The following HDAC9 variants were observed in gnomAD, a reference collection of about 807,000 sequenced individuals.
HDAC9 encodes the protein MEF-2 interacting transcription repressor (MITR) protein.
In HDAC9, 41 loss-of-function variants were observed where a neutral mutation model predicts 139.4. That is an observed-to-expected ratio of 0.29 (90% CI 0.23 to 0.38). The LOEUF is 0.38. HDAC9 is among the 10% of genes least tolerant of loss of function. The probability of loss-of-function intolerance (pLI) is 1.00; values close to 1 mark genes in which losing one functional copy is unlikely to be tolerated. For missense variants in HDAC9, 1,147 were observed against 1,297.0 expected (o/e 0.88, Z 1.78); for synonymous variants, 517 against 476.2 (o/e 1.09, Z -1.12).
intron 22 of HDAC9, among the ~76,000 whole-genome samples, chr7:18,886,971 C>G (rs899489100): frequency 3.3e-5 from 5 of 152,162 alleles, no homozygotes; most frequent in African/African-American, 1.2e-4. Flanking sequence ...GGAAAAGAAT[C>G]AGTTGGTCAA....
intron 19 of HDAC9, 104 bp downstream of exon 19, chr7:18,829,652 C>A: frequency 1.4e-6 from 1 of 692,120 alleles, no homozygotes; most frequent in Non-Finnish European, 2.5e-6. Context: ...TTGCAAACAA[C>A]TGAAGGGTGT....
At chr7:18,425,929 A>AT (rs1166182975) in intron 1 of HDAC9, among the ~76,000 whole-genome samples, 4 of 152,112 alleles carry the variant, frequency 2.6e-5, no homozygotes, top group East Asian at 1.9e-4. Flanking sequence ...GCCAGAAGAT[A>AT]TTTTTTAACT....
chr7:18,257,429 AC>A (rs1397761421), intron 2 of HDAC9, among the ~76,000 whole-genome samples: 2 of 150,486 alleles, frequency 1.3e-5, no homozygotes, highest in African/African-American at 4.9e-5. Flanking sequence ...ACACACACAC[AC>A]ACACACAAAA....
At chr7:18,808,516 T>C (rs1336543676) in intron 17 of HDAC9, among the ~76,000 whole-genome samples, 1 of 151,874 alleles carries the variant, frequency 6.6e-6, no homozygotes, top group East Asian at 1.9e-4. Flanking sequence ...TGTTTCAACA[T>C]ACTAACAATG....
chr7:18,634,633 C>A lies in HDAC9; in HGVS notation c.803C>A (p.Ser268Ter). Residue 268 changes from serine to a stop codon, truncating the protein, a stop_gained, in exon 8 of 26, where the codon TCA (serine) becomes TAA (stop). Coordinates refer to ENST00000686413, the MANE Select transcript of HDAC9 (RefSeq NM_178425.4). LOFTEE classifies it high-confidence loss of function. ...ACTTCACAATATTTTTCAGAATCCT[C>A]AGTCAGTAGCAGTTCTCCAGGCTCT... Reference protein sequence around the residue: ...KKRMFEVTESSVSSSSPGSGP... With the variant: ...KKRMFEVTES The A allele has an allele frequency of 6.4e-7, 1 of 1,570,716 alleles. No individual in the cohort carries two copies.
chr7:18,222,642 C>A (rs1224262740), intron 2 of HDAC9, among the ~76,000 whole-genome samples: 1 of 152,086 alleles, frequency 6.6e-6, no homozygotes, highest in East Asian at 1.9e-4. Context: ...TTGTTATTTG[C>A]AAATGTAAAC....
intron 1 of HDAC9, among the ~76,000 whole-genome samples, chr7:18,142,841 C>A (rs890825800): frequency 6.6e-6 from 1 of 152,200 alleles, no homozygotes; most frequent in African/African-American, 2.4e-5. Context: ...GCCTCCTCCT[C>A]TCCCTGCTCC....
At chr7:18,293,889 A>G (rs930912699) in intron 1 of HDAC9, among the ~76,000 whole-genome samples, 4 of 152,184 alleles carry the variant, frequency 2.6e-5, no homozygotes, top group African/African-American at 9.6e-5. Flanking sequence ...GTAAACATTT[A>G]ATAAGTTTTA....
intron 22 of HDAC9, among the ~76,000 whole-genome samples, chr7:18,929,033 A>G (rs918899743): frequency 6.6e-6 from 1 of 152,042 alleles, no homozygotes; most frequent in Non-Finnish European, 1.5e-5. Flanking sequence ...CACTACCACT[A>G]TTCTCTGGGA....
chr7:18,968,908 G>A (rs1192652704), intron 24 of HDAC9, among the ~76,000 whole-genome samples: 3 of 128,034 alleles, frequency 2.3e-5, no homozygotes, highest in Non-Finnish European at 4.6e-5. Context: ...GCAGTGAGCC[G>A]AGATCTCGCC....
intron 1 of HDAC9, among the ~76,000 whole-genome samples, chr7:18,395,883 T>G (rs1250301971): frequency 6.6e-6 from 1 of 152,114 alleles, no homozygotes; most frequent in Non-Finnish European, 1.5e-5. Flanking sequence ...GTGAGAAAAA[T>G]TTAGGAGGTA....
At position 18,415,375 on chromosome 7, in the gene HDAC9, C is replaced by G. The variant is rs1788958831; in HGVS notation, c.-41-80887C>G. On this transcript the variant is annotated intron_variant, in intron 1 of 3. Coordinates refer to the HDAC9 transcript ENST00000413509. ...AATTGGTAGCTACTGTTAGGAGCCTCTCAGCTGTACCTCTTCCTTCTTTAG... is the reference window on the plus strand; with the variant it reads ...AATTGGTAGCTACTGTTAGGAGCCTGTCAGCTGTACCTCTTCCTTCTTTAG... Among the ~76,000 whole-genome samples the G allele has an allele frequency of 2.0e-5, 3 of 152,326 alleles. No homozygotes were observed. In the South Asian group the frequency reaches 6.2e-4, roughly 32 times the overall value.
At chr7:18,908,541 C>G (rs551011543) in intron 22 of HDAC9, among the ~76,000 whole-genome samples, 10 of 152,028 alleles carry the variant, frequency 6.6e-5, no homozygotes, top group Non-Finnish European at 1.5e-4. Context: ...TCCTATTTCT[C>G]CCTCTCTCCA....
intron 22 of HDAC9, among the ~76,000 whole-genome samples, chr7:18,911,943 T>C (rs1228913189): frequency 6.6e-6 from 1 of 152,056 alleles, no homozygotes; most frequent in Non-Finnish European, 1.5e-5. Flanking sequence ...GAATGTTCCA[T>C]GTACTAATGA....
chr7:18,320,488 A>G, intron 1 of HDAC9, among the ~76,000 whole-genome samples: 1 of 152,128 alleles, frequency 6.6e-6, no homozygotes, highest in Non-Finnish European at 1.5e-5. Flanking sequence ...TCTTCAGAGT[A>G]TCCCTTATTG....
intron 23 of HDAC9, among the ~76,000 whole-genome samples, chr7:18,945,402 G>T (rs1323866752): frequency 1.3e-5 from 2 of 152,056 alleles, no homozygotes; most frequent in African/African-American, 2.4e-5. Flanking sequence ...TTCTTTATAG[G>T]TTCTAGTGTT....
chr7:18,681,414 T>C (rs1319878861), intron 12 of HDAC9, among the ~76,000 whole-genome samples: 1 of 152,014 alleles, frequency 6.6e-6, no homozygotes, highest in Non-Finnish European at 1.5e-5. Context: ...GTTCAGTTTT[T>C]AAAAATTATC....
At chr7:18,596,009 T>A (rs892242808) in intron 6 of HDAC9, among the ~76,000 whole-genome samples, 11 of 152,094 alleles carry the variant, frequency 7.2e-5, no homozygotes, top group African/African-American at 2.7e-4. Flanking sequence ...CTATTTAGAT[T>A]TGTACAAATA....
At chr7:18,523,593 A>T (rs2128220471) in intron 2 of HDAC9, among the ~76,000 whole-genome samples, 1 of 151,764 alleles carries the variant, frequency 6.6e-6, no homozygotes, top group East Asian at 1.9e-4. Context: ...GCCCTTGTGG[A>T]ATGTGAAATC....
Sources: gnomAD v4.1 joint callset for allele counts (sites outside exome capture counted in the v4.1 genomes callset) on GRCh38, gnomAD v4.1.1 for gene constraint, MANE v1.5 for transcripts, NCBI Gene and HGNC (gene_info 2026-07-23, HGNC 2026-07-21) for gene names.